TBP: variants seen among roughly 807,000 people sequenced by gnomAD.
The protein encoded by TBP is TATA-box-binding protein.
Under a neutral mutation model 46.2 loss-of-function variants are expected in TBP, and 12 were observed. The observed-to-expected ratio is 0.26, with a 90% CI of 0.17 to 0.42. TBP has a LOEUF of 0.42. TBP is among the 10% of genes least tolerant of loss of function. TBP has a pLI of 1.00. For synonymous variants in TBP, 157 were observed against 148.3 expected (o/e 1.06, Z -0.42); for missense variants, 229 against 403.1 (o/e 0.57, Z 3.70).
chr6:170,565,574 C>T (rs1779228701), intron 4 of TBP, among the ~76,000 whole-genome samples: 1 of 152,172 alleles, frequency 6.6e-6, no homozygotes, highest in African/African-American at 2.4e-5. Flanking sequence ...ATTAATCTTT[C>T]ATCTATTATA....
rs1192219998 is a variant in TBP, at chr6:170,572,692, GTTGT to G, written c.*430_*433del. ...AAAAGTAAAAATCTTTTTTAAAAGTGTTGTTTTTCTAATTTATAACTCCTAGGGG... is the reference window on the plus strand; with the variant it reads ...AAAAGTAAAAATCTTTTTTAAAAGTGTTTTCTAATTTATAACTCCTAGGGG... On this transcript the variant is annotated 3_prime_UTR_variant, in exon 8 of 8. Coordinates refer to ENST00000392092, the MANE Select transcript of TBP (RefSeq NM_003194.5). 5.8e-6 allele frequency: 1 copy of G among 171,070 alleles called. No homozygotes were observed. The highest frequency in any genetic ancestry group is 2.4e-5 in the African/African-American group (1 of 41,700). The allele number at this position is 171,070 out of a possible 1,614,324, so 10.6% of individuals were successfully genotyped here.
Position 170,572,227 on chromosome 6 carries a change from A to G in TBP, c.982A>G (p.Ile328Val). The G allele has an allele frequency of 3.1e-6, 5 of 1,614,078 alleles. No homozygotes were observed. Among genetic ancestry groups the G allele is most frequent in the Non-Finnish European group, 4.2e-6 (5 of 1,180,002 alleles). Residue 328 changes from isoleucine to valine, a missense_variant, in exon 8 of 8, where the codon ATC becomes GTC. Coordinates refer to ENST00000392092, the MANE Select transcript of TBP (RefSeq NM_003194.5). ...RAEIYEAFEN[I>V]YPILKGFRKT... ...AGAAATTTATGAAGCATTTGAAAAC[A>G]TCTACCCTATTCTAAAGGGATTCAG...
chr6:170,561,802 T>G lies in TBP; in HGVS notation c.66T>G (p.Thr22=). ...QGLASPQGAM[T]PGIPIFSPMM... ...CTTGCTTTCCACAGGGTGCCATGAC[T>G]CCCGGAATCCCTATCTTTAGTCCAA... Residue 22 remains threonine, a synonymous_variant, in exon 3 of 8, where the codon ACT becomes ACG. Transcript: ENST00000392092. 6.2e-7 allele frequency: 1 copy of G among 1,607,852 alleles called. No individual in the cohort carries two copies. Among genetic ancestry groups the G allele is most frequent in the Non-Finnish European group, 8.5e-7 (1 of 1,174,896 alleles).
chr6:170,558,377 C>G (rs1260800519), intron 2 of TBP, among the ~76,000 whole-genome samples: 1 of 152,226 alleles, frequency 6.6e-6, no homozygotes, highest in African/African-American at 2.4e-5. Flanking sequence ...TACTTTCACT[C>G]TAGTGATTGC....
intron 1 of TBP, among the ~76,000 whole-genome samples, chr6:170,555,489 A>G (rs1779003996): frequency 6.6e-6 from 1 of 152,220 alleles, no homozygotes; most frequent in Non-Finnish European, 1.5e-5. Flanking sequence ...CTATACAGTC[A>G]TACTAAGCTT....
At chr6:170,567,875 T>G (rs1377048723) in intron 5 of TBP, among the ~76,000 whole-genome samples, 2 of 152,230 alleles carry the variant, frequency 1.3e-5, no homozygotes, top group African/African-American at 4.8e-5. Context: ...ATATACTTGG[T>G]AGAAGTCAAA....
chr6:170,556,866 C>CT lies in TBP; in HGVS notation c.-148-10dup, dbSNP rs1443439643. The CT allele has an allele frequency of 1.3e-5, 9 of 691,304 alleles. No individual in the cohort carries two copies. Among genetic ancestry groups the CT allele is most frequent in the Non-Finnish European group, 2.3e-5 (9 of 397,990 alleles). 42.8% of individuals were successfully genotyped at this position (691,304 alleles called of 1,614,324 possible). On this transcript the variant is annotated splice_polypyrimidine_tract_variant and intron_variant, in intron 1 of 7. Transcript: ENST00000392092. The stretch of plus-strand genomic sequence containing the variant: ...CTGGATCCTTAAATTAAACTTTAGA[C>CT]TTTTTTCCAAAGCAGCATCACTGTT...
Position 170,568,486 on chromosome 6 carries a change from C to T in TBP, c.678-1126C>T, listed in dbSNP as rs537611678. On this transcript the variant is annotated intron_variant, in intron 5 of 7. Transcript: ENST00000392092. ...TGTTGTTGTTTTTGAGATGGAGTCT[C>T]GCTCTGCGCCCAGGCTGGAGTGCAG... is the stretch of plus-strand genomic sequence containing the variant. Among the ~76,000 whole-genome samples the T allele has an allele frequency of 6.0e-4, 92 of 152,126 alleles. 1 individual carries two copies. The South Asian group carries it at 9.3e-3, about 15-fold the overall frequency.
rs1406414133 is a variant in TBP, at chr6:170,566,942, A to C, written c.610A>C (p.Ile204Leu). The change falls in exon 5 of 8, where the codon ATA becomes CTA. Residue 204 changes from isoleucine (I) to leucine (L), a missense_variant. Physicochemically the swap from Ile to Leu is conservative, Grantham distance 5. Coordinates refer to ENST00000392092, the MANE Select transcript of TBP (RefSeq NM_003194.5). ...PKRFAAVIMRIREPRTTALIF... is the reference protein window; with the variant it reads ...PKRFAAVIMRLREPRTTALIF... ...GCGGTTTGCTGCGGTAATCATGAGG[A>C]TAAGAGAGCCACGAACCACGGCACT... 1 of 1,613,672 alleles carries C rather than the reference A, an allele frequency of 6.2e-7. No individual in the cohort carries two copies. The highest frequency in any genetic ancestry group is 2.2e-5 in the East Asian group (1 of 44,856).
At chr6:170,565,479 C>T (rs986247362) in intron 4 of TBP, among the ~76,000 whole-genome samples, 2 of 152,212 alleles carry the variant, frequency 1.3e-5, no homozygotes, top group Non-Finnish European at 2.9e-5. Context: ...AAACATAATG[C>T]CTGAGATCTG....
At chr6:170,571,554 A>G (rs1314064584) in intron 7 of TBP, 50 bp downstream of exon 7, 3 of 1,420,388 alleles carry the variant, frequency 2.1e-6, no homozygotes, top group Admixed American at 3.5e-5. Flanking sequence ...TGTTTTGAGT[A>G]TGGCATTTTC....
rs2114989144 is a variant in TBP at position 170,556,944 on chromosome 6, T to C, written c.-86T>C. On this transcript the variant is annotated 5_prime_UTR_variant, in exon 2 of 8. Coordinates refer to ENST00000392092, the MANE Select transcript of TBP (RefSeq NM_003194.5). ...ATTGAGGAAGTTGCTGAGAAGAGTG[T>C]GCTGGAGATGCTCTAGGAAAAAATT... is the stretch of plus-strand genomic sequence containing the variant. 1 of 1,255,774 alleles carries C rather than the reference T, an allele frequency of 8.0e-7. No homozygotes were observed. The highest frequency in any genetic ancestry group is 1.2e-6 in the Non-Finnish European group (1 of 858,258). 77.8% of individuals were successfully genotyped at this position (1,255,774 alleles called of 1,614,324 possible). A position where few individuals can be genotyped will look rare whatever the true frequency, so the allele number is the denominator to read the frequency against.
At chr6:170,560,090 C>T (rs1329608767) in intron 2 of TBP, among the ~76,000 whole-genome samples, 2 of 152,222 alleles carry the variant, frequency 1.3e-5, no homozygotes, top group African/African-American at 4.8e-5. Context: ...TAGTTGTCCA[C>T]AAGCTCTGAT....
chr6:170,564,434 A>G, intron 3 of TBP, 111 bp from the exon 4 acceptor site: 1 of 690,806 alleles, frequency 1.4e-6, no homozygotes, highest in Middle Eastern at 4.5e-4. Flanking sequence ...AGCAATTAAA[A>G]AAAAGTAAAG....
intron 6 of TBP, 69 bp from the exon 7 acceptor site, chr6:170,571,341 C>T: frequency 9.3e-7 from 1 of 1,073,024 alleles, no homozygotes; most frequent in Non-Finnish European, 1.4e-6. Flanking sequence ...TTTCCTTGTA[C>T]AGGTCCTCAT....
chr6:170,558,390 A>G (rs538643561), intron 2 of TBP, among the ~76,000 whole-genome samples: 1 of 152,310 alleles, frequency 6.6e-6, no homozygotes, highest in African/African-American at 2.4e-5. Context: ...GTGATTGCTT[A>G]GTAGTATCTT....
At chr6:170,561,519 A>C (rs1328238002) in intron 2 of TBP, among the ~76,000 whole-genome samples, 1 of 151,842 alleles carries the variant, frequency 6.6e-6, no homozygotes. Context: ...CTGCCTTTTA[A>C]TTTTCTCAAT....
chr6:170,569,293 C>T (rs1353847107), intron 5 of TBP, among the ~76,000 whole-genome samples: 2 of 152,118 alleles, frequency 1.3e-5, no homozygotes, highest in South Asian at 2.1e-4. Flanking sequence ...GTTAGTTTTC[C>T]TCTCAGTAGA....
Position 170,561,925 on chromosome 6 carries a change from ACAGCAGCAG to A in TBP, c.207_215del (p.Gln93_Gln95del), listed in dbSNP as rs113202486. The A allele has an allele frequency of 6.0e-5, 59 of 981,294 alleles. No individual in the cohort carries two copies. The highest frequency in any genetic ancestry group is 2.6e-4 in the Middle Eastern group (1 of 3,790). The allele number at this position is 981,294 out of a possible 1,614,324, so 60.8% of individuals were successfully genotyped here. ...AACAAAGGCAGCAGCAGCAACAACA[ACAGCAGCAG>A]CAGCAGCAGCAGCAGCAACAGCAAC... On this transcript the variant is annotated inframe_deletion, in exon 3 of 8. Transcript: ENST00000392092.
Sources: gnomAD v4.1 joint callset for allele counts (sites outside exome capture counted in the v4.1 genomes callset) on GRCh38, gnomAD v4.1.1 for gene constraint, MANE v1.5 for transcripts, NCBI Gene and HGNC (gene_info 2026-07-23, HGNC 2026-07-21) for gene names.